Variants in SOAT2 observed in about 807,000 individuals in gnomAD.
The protein encoded by SOAT2 is ACAT-2.
Under a neutral mutation model 76.0 loss-of-function variants are expected in SOAT2, and 87 were observed. The observed-to-expected ratio is 1.14, with a 90% CI of 0.96 to 1.37. The LOEUF (loss-of-function observed/expected upper bound fraction) is 1.37, where lower values mean the gene tolerates loss of function less well. Among genes scored for constraint, SOAT2 ranks in the 40% most tolerant of loss-of-function variants. The probability of loss-of-function intolerance (pLI) is 0.00; values close to 1 mark genes in which losing one functional copy is unlikely to be tolerated. For missense variants in SOAT2, 686 were observed against 682.1 expected (o/e 1.01, Z -0.06); for synonymous variants, 285 against 275.4 (o/e 1.03, Z -0.34).
intron 5 of SOAT2, 100 bp from the exon 6 acceptor site, chr12:53,115,290 T>C: frequency 7.2e-7 from 1 of 1,381,694 alleles, no homozygotes; most frequent in Non-Finnish European, 9.7e-7. Context: ...CACAACCTGA[T>C]CAAGATACCT....
Position 53,105,139 on chromosome 12 carries a change from G to C in SOAT2, c.171G>C (p.Gln57His). The C allele has an allele frequency of 1.3e-6, 2 of 1,569,136 alleles. No individual in the cohort carries two copies. The highest frequency in any genetic ancestry group is 1.7e-6 in the Non-Finnish European group (2 of 1,156,920). The change falls in exon 3 of 15, where the codon CAG becomes CAC. Residue 57 changes from glutamine to histidine, a missense_variant. Physicochemically the swap from Gln to His is conservative, Grantham distance 24. Transcript: ENST00000301466. ...AVKAQLLEQA[Q>H]GQLRELLDRA... Reference sequence around the variant, plus strand: ...AGGCACAATTGCTGGAGCAAGCGCAGGGACAACTGAGGGAGCTGCTGGATC... The same window carrying C: ...AGGCACAATTGCTGGAGCAAGCGCACGGACAACTGAGGGAGCTGCTGGATC...
chr12:53,121,232 G>A, intron 11 of SOAT2, 71 bp from the exon 12 acceptor site: 3 of 1,068,290 alleles, frequency 2.8e-6, no homozygotes, highest in East Asian at 2.4e-5. Context: ...GGCAGAGGGA[G>A]CAGTGGGGAG....
chr12:53,124,254 C>A lies in SOAT2; in HGVS notation c.*131C>A. The A allele has an allele frequency of 3.6e-6, 3 of 838,288 alleles. No homozygotes were observed. The highest frequency in any genetic ancestry group is 1.7e-5 in the African/African-American group (1 of 59,894). 51.9% of individuals were successfully genotyped at this position (838,288 alleles called of 1,614,324 possible). ...AGGCAACCTGCACACAAGACCCCACCAAGGAATGTGCAAGGACTGAGATCT... is the reference window on the plus strand; with the variant it reads ...AGGCAACCTGCACACAAGACCCCACAAAGGAATGTGCAAGGACTGAGATCT... On this transcript the variant is annotated 3_prime_UTR_variant, in exon 15 of 15. Transcript: ENST00000301466.
At position 53,123,588 on chromosome 12, in the gene SOAT2, C is replaced by T. The variant is rs368337440; in HGVS notation, c.1373-140C>T. ...TTACATGGGCCACTTTAGACCTCTACGAATTTCTGCACCTGAGTTCAAGAT... is the reference window on the plus strand; with the variant it reads ...TTACATGGGCCACTTTAGACCTCTATGAATTTCTGCACCTGAGTTCAAGAT... On this transcript the variant is annotated intron_variant, in intron 13 of 14. Transcript: ENST00000301466. 7,405 of 985,970 alleles carry T rather than the reference C, an allele frequency of 7.5e-3. 458 individuals are homozygous for T. The South Asian group carries it at 0.11, about 15-fold the overall frequency. The allele number at this position is 985,970 out of a possible 1,614,324, so 61.1% of individuals were successfully genotyped here. A position where few individuals can be genotyped will look rare whatever the true frequency, so the allele number is the denominator to read the frequency against.
rs757969716 is a variant in SOAT2, at chr12:53,123,119, T to C, written c.1275T>C (p.Gly425=). 1 of 1,613,652 alleles carries C rather than the reference T, an allele frequency of 6.2e-7. No individual in the cohort carries two copies. Among genetic ancestry groups the C allele is most frequent in the East Asian group, 2.2e-5 (1 of 44,836 alleles). ...GGGCCCGAGGGGTAGCCATGCTGGGTGTGTTCCTGGTCTCCGCAGTGGCCC... is the reference window on the plus strand; with the variant it reads ...GGGCCCGAGGGGTAGCCATGCTGGGCGTGTTCCTGGTCTCCGCAGTGGCCC... ...GARARGVAML[G]VFLVSAVAHE... Residue 425 remains glycine (G), a synonymous_variant, in exon 13 of 15, where the codon GGT becomes GGC. Coordinates refer to ENST00000301466, the MANE Select transcript of SOAT2 (RefSeq NM_003578.4).
Position 53,120,806 on chromosome 12 carries a change from ATCT to A in SOAT2, c.1065_1067del (p.Phe356del), listed in dbSNP as rs772086568. The A allele has an allele frequency of 6.2e-7, 1 of 1,613,976 alleles. No homozygotes were observed. The highest frequency in any genetic ancestry group is 8.5e-7 in the Non-Finnish European group (1 of 1,179,926). On this transcript the variant is annotated inframe_deletion, in exon 11 of 15. Transcript: ENST00000301466. ...ACCAGGCATCTTCATGCTGCTGCTCATCTTCTTTGCCTTCCTCCATTGCTGGCT... is the reference window on the plus strand; with the variant it reads ...ACCAGGCATCTTCATGCTGCTGCTCATCTTTGCCTTCCTCCATTGCTGGCT...
At chr12:53,107,949 T>C (rs1024320969) in intron 5 of SOAT2, among the ~76,000 whole-genome samples, 8 of 144,770 alleles carry the variant, frequency 5.5e-5, no homozygotes, top group Non-Finnish European at 1.1e-4. Context: ...AATTTTTCTC[T>C]CTCCAGTTTC....
intron 5 of SOAT2, among the ~76,000 whole-genome samples, chr12:53,111,754 AT>A (rs1938015358): frequency 1.3e-5 from 2 of 152,232 alleles, no homozygotes; most frequent in African/African-American, 2.4e-5. Context: ...TTTACCAATA[AT>A]TTTTAAAGCT....
At chr12:53,120,412 T>A (rs1292208071) in intron 10 of SOAT2, among the ~76,000 whole-genome samples, 1 of 151,886 alleles carries the variant, frequency 6.6e-6, no homozygotes, top group South Asian at 2.1e-4. Context: ...GAGCTTGCAG[T>A]GAGCTGAGAT....
At chr12:53,116,307 G>A (rs1938107360) in intron 7 of SOAT2, 141 bp downstream of exon 7, 1 of 667,652 alleles carries the variant, frequency 1.5e-6, no homozygotes, top group Admixed American at 2.7e-5. Context: ...ATCCAGCTGG[G>A]CTCTGTGGGC....
intron 5 of SOAT2, among the ~76,000 whole-genome samples, chr12:53,107,893 G>C (rs2121262200): frequency 6.6e-6 from 1 of 152,250 alleles, no homozygotes; most frequent in South Asian, 2.1e-4. Context: ...AAAGTGCTGG[G>C]ATTACAGGTG....
intron 5 of SOAT2, among the ~76,000 whole-genome samples, chr12:53,111,444 T>C (rs1237615664): frequency 6.6e-6 from 1 of 152,220 alleles, no homozygotes; most frequent in Non-Finnish European, 1.5e-5. Flanking sequence ...ATAACAGTCC[T>C]TTCCCAGAAC....
At chr12:53,115,274 G>A in intron 5 of SOAT2, 116 bp from the exon 6 acceptor site, 1 of 1,203,332 alleles carries the variant, frequency 8.3e-7, no homozygotes, top group South Asian at 1.5e-5. Flanking sequence ...CCAGAGATGG[G>A]GAGCTCACAA....
intron 5 of SOAT2, among the ~76,000 whole-genome samples, chr12:53,114,127 G>GT (rs771943248): frequency 6.6e-6 from 1 of 152,064 alleles, no homozygotes; most frequent in African/African-American, 2.4e-5. Flanking sequence ...ATGGAGGCCT[G>GT]TATTAGTGAA....
intron 8 of SOAT2, among the ~76,000 whole-genome samples, chr12:53,118,660 T>C (rs822682): frequency 0.46 from 70,292 of 151,866 alleles, 21,117 homozygotes; most frequent in African/African-American, 0.85. Flanking sequence ...CAGGACTGTC[T>C]TGATAATCCT....
At chr12:53,106,094 G>A (rs2121255469) in intron 5 of SOAT2, 80 bp downstream of exon 5, 1 of 947,548 alleles carries the variant, frequency 1.1e-6, no homozygotes, top group Non-Finnish European at 1.7e-6. Context: ...CTGCCCTTGG[G>A]GCAAGAGGAC....
chr12:53,106,157 TTTCCA>T, intron 5 of SOAT2, 143 bp downstream of exon 5: 1 of 613,266 alleles, frequency 1.6e-6, no homozygotes, highest in Admixed American at 2.7e-5. Flanking sequence ...CCCAACAACC[TTTCCA>T]CCTGAAACAC....
At chr12:53,105,489 A>G in intron 3 of SOAT2, 72 bp from the exon 4 acceptor site, 1 of 1,457,246 alleles carries the variant, frequency 6.9e-7, no homozygotes, top group Non-Finnish European at 9.5e-7. Flanking sequence ...GCTCCCAAGT[A>G]TTGACCTTCT....
At chr12:53,106,292 A>G (rs968992247) in intron 5 of SOAT2, among the ~76,000 whole-genome samples, 8 of 152,188 alleles carry the variant, frequency 5.3e-5, no homozygotes, top group Non-Finnish European at 1.0e-4. Context: ...GTGTGTGTGC[A>G]CACATGCACA....
Sources: gnomAD v4.1 joint callset for allele counts (sites outside exome capture counted in the v4.1 genomes callset) on GRCh38, gnomAD v4.1.1 for gene constraint, MANE v1.5 for transcripts, NCBI Gene and HGNC (gene_info 2026-07-23, HGNC 2026-07-21) for gene names.